Variants in MANEAL observed in about 807,000 individuals in gnomAD.
The protein encoded by MANEAL is mannosidase endo-alpha like, also known as glycoprotein endo-alpha-1,2-mannosidase-like protein.
In MANEAL, 28 loss-of-function variants were observed where a neutral mutation model predicts 35.9. The ratio of observed to expected loss-of-function variants is 0.78; its 90% CI spans 0.58 to 1.07. The LOEUF is 1.07. MANEAL is among the 50% of genes least tolerant of loss of function. MANEAL has a pLI of 0.00. For missense variants in MANEAL, 576 were observed against 629.6 expected, an observed-to-expected ratio of 0.91 and a Z score of 0.91; for synonymous variants, 286 against 272.2, an observed-to-expected ratio of 1.05 and a Z score of -0.50.
chr1:37,794,182 C>T lies in MANEAL; in HGVS notation c.-1C>T. ...GCGGCTGCAGGAGCGCACAGTCGGCCATGGCCCGGCGGCGGCGCCGCGCCT... is the reference window on the plus strand; with the variant it reads ...GCGGCTGCAGGAGCGCACAGTCGGCTATGGCCCGGCGGCGGCGCCGCGCCT... On this transcript the variant is annotated 5_prime_UTR_variant, in exon 1 of 4. Coordinates refer to ENST00000373045, the MANE Select transcript of MANEAL (RefSeq NM_001113482.2). The surrounding 1 kb of genome is among the most constrained non-coding windows in gnomAD (Gnocchi z 5.7). 7.9e-7 allele frequency: 1 copy of T among 1,263,570 alleles called. No homozygotes were observed. Among genetic ancestry groups the T allele is most frequent in the South Asian group, 1.7e-5 (1 of 57,550 alleles). The allele number at this position is 1,263,570 out of a possible 1,614,324, so 78.3% of individuals were successfully genotyped here.
chr1:37,795,174 GC>G (rs562644140), intron 1 of MANEAL, among the ~76,000 whole-genome samples: 32 of 152,322 alleles, frequency 2.1e-4, no homozygotes, highest in Middle Eastern at 3.4e-3. Flanking sequence ...AGGAAAGTGT[GC>G]CCGTGTTCCA....
Position 37,794,252 on chromosome 1 carries a change from A to T in MANEAL, c.70A>T (p.Met24Leu), listed in dbSNP as rs370141188. The change falls in exon 1 of 4, where the codon ATG (methionine) becomes TTG (leucine). Residue 24 changes from methionine (M) to leucine (L), a missense_variant. Physicochemically the swap from Met to Leu is conservative, Grantham distance 15. This residue lies in a region of MANEAL where 122 missense variants were observed against 97.2 expected (regional missense o/e 1.26). Coordinates refer to ENST00000373045, the MANE Select transcript of MANEAL (RefSeq NM_001113482.2). The surrounding 1 kb of genome is among the most constrained non-coding windows in gnomAD (Gnocchi z 5.7). ...GCTGCTCTTCGCCTTCGGCACCCTC[A>T]TGGGTCTGCGCACGCTCAAGGCTCC... ...LVLLFAFGTL[M>L]GLRTLKAPDG... 2.0e-3 allele frequency: 2,656 copies of T among 1,322,814 alleles called. 7 individuals are homozygous for T. The highest frequency in any genetic ancestry group is 2.3e-3 in the Non-Finnish European group (2,336 of 1,019,262). 81.9% of individuals were successfully genotyped at this position (1,322,814 alleles called of 1,614,324 possible).
In MANEAL at chr1:37,794,187, C is replaced by T. The variant is rs1646621636; in HGVS notation, c.5C>T (p.Ala2Val). The T allele has an allele frequency of 1.6e-6, 2 of 1,272,608 alleles. No homozygotes were observed. Among genetic ancestry groups the T allele is most frequent in the Non-Finnish European group, 2.0e-6 (2 of 992,730 alleles). 78.8% of individuals were successfully genotyped at this position (1,272,608 alleles called of 1,614,324 possible). Reference protein sequence around the residue: MARRRRRACIAL... With the variant: MVRRRRRACIAL... The stretch of plus-strand genomic sequence containing the variant: ...TGCAGGAGCGCACAGTCGGCCATGG[C>T]CCGGCGGCGGCGCCGCGCCTGCATC... Residue 2 changes from alanine to valine, a missense_variant, in exon 1 of 4, where the codon GCC (alanine) becomes GTC (valine). By Grantham distance (64) the Ala-to-Val change is moderately conservative. Coordinates refer to ENST00000373045, the MANE Select transcript of MANEAL (RefSeq NM_001113482.2). This position sits in a 1 kb window ranked among gnomAD's most constrained non-coding sequence, Gnocchi z 5.7.
chr1:37,796,807 T>A lies in MANEAL; in HGVS notation c.724T>A (p.Tyr242Asn). ...DDITVHDNIK[Y>N]IIDTYGSHGA... ...CATCACTGTACATGACAACATCAAG[T>A]ACATCATTGACACGTAAGGCTGCTC... Residue 242 changes from tyrosine (Y) to asparagine (N), a missense_variant, in exon 3 of 4, where the codon TAC (tyrosine) becomes AAC (asparagine). Tyr to Asn is a moderately radical substitution (Grantham distance 143). Around this residue, in one of 3 missense-constraint regions of MANEAL, gnomAD observed 449 missense variants for 516.1 expected, o/e 0.87. Coordinates refer to ENST00000373045, the MANE Select transcript of MANEAL (RefSeq NM_001113482.2). The A allele has an allele frequency of 6.2e-7, 1 of 1,610,360 alleles. No individual in the cohort carries two copies. The highest frequency in any genetic ancestry group is 8.5e-7 in the Non-Finnish European group (1 of 1,178,300).
chr1:37,794,553 A>C lies in MANEAL; in HGVS notation c.371A>C (p.His124Pro). The C allele has an allele frequency of 6.2e-7, 1 of 1,611,692 alleles. No individual in the cohort carries two copies. The highest frequency in any genetic ancestry group is 8.5e-7 in the Non-Finnish European group (1 of 1,179,594). The part of the protein sequence containing the change: ...GSPRREGHYI[H>P]WDHVMVPHWD... Reference sequence around the variant, plus strand: ...CCGCGGCGCGAGGGCCACTACATTCACTGGGACCACGTCATGGTGCCGCAC... The same window carrying C: ...CCGCGGCGCGAGGGCCACTACATTCCCTGGGACCACGTCATGGTGCCGCAC... The change falls in exon 1 of 4, where the codon CAC becomes CCC. Residue 124 changes from histidine (H) to proline (P), a missense_variant. Around this residue, in one of 3 missense-constraint regions of MANEAL, gnomAD observed 449 missense variants for 516.1 expected, o/e 0.87. Transcript: ENST00000373045. The surrounding 1 kb of genome is among the most constrained non-coding windows in gnomAD (Gnocchi z 5.7).
intron 1 of MANEAL, among the ~76,000 whole-genome samples, chr1:37,795,113 G>A (rs1312348616): frequency 1.3e-5 from 2 of 152,204 alleles, no homozygotes; most frequent in Non-Finnish European, 2.9e-5. Flanking sequence ...CTGCTTTCAT[G>A]GCAGGTACAG....
chr1:37,799,592 C>T lies in MANEAL; in HGVS notation c.763C>T (p.Arg255Cys), dbSNP rs745912998. ...GTATGGCTCCCATGGTGCATTTTACCGCTATAAGAACAGCATGGGCAAGAG... is the reference window on the plus strand; with the variant it reads ...GTATGGCTCCCATGGTGCATTTTACTGCTATAAGAACAGCATGGGCAAGAG... Reference protein sequence around the residue: ...DTYGSHGAFYRYKNSMGKSLP... With the variant: ...DTYGSHGAFYCYKNSMGKSLP... Residue 255 changes from arginine (R) to cysteine (C), a missense_variant, in exon 4 of 4, where the codon CGC becomes TGC. Arg to Cys is a radical substitution (Grantham distance 180). This residue lies in a region of MANEAL where 449 missense variants were observed against 516.1 expected (regional missense o/e 0.87). Transcript: ENST00000373045. The surrounding 1 kb of genome is among the most constrained non-coding windows in gnomAD (Gnocchi z 4.1). The T allele has an allele frequency of 8.1e-6, 13 of 1,613,604 alleles. No individual in the cohort carries two copies. The highest frequency in any genetic ancestry group is 2.7e-5 in the African/African-American group (2 of 74,916).
chr1:37,799,084 G>A lies in MANEAL; in HGVS notation c.738-483G>A, dbSNP rs1167960115. ...AAGAAGAAAAAAGAAAAGAAAAAGGGTCAGCTCTGCAAAGATCCGGAGGCA... is the reference window on the plus strand; with the variant it reads ...AAGAAGAAAAAAGAAAAGAAAAAGGATCAGCTCTGCAAAGATCCGGAGGCA... On this transcript the variant is annotated intron_variant, in intron 3 of 3. Coordinates refer to ENST00000373045, the MANE Select transcript of MANEAL (RefSeq NM_001113482.2). This position sits in a 1 kb window ranked among gnomAD's most constrained non-coding sequence, Gnocchi z 4.1. 2.0e-5 allele frequency among the ~76,000 whole-genome samples: 3 copies of A among 152,076 alleles called. No homozygotes were observed. Among genetic ancestry groups the A allele is most frequent in the Non-Finnish European group, 2.9e-5 (2 of 67,984 alleles).
intron 3 of MANEAL, among the ~76,000 whole-genome samples, chr1:37,798,756 A>AT (rs1646668594): frequency 6.8e-6 from 1 of 147,894 alleles, no homozygotes; most frequent in South Asian, 2.2e-4. Flanking sequence ...AAGAAAAAAA[A>AT]GCCCAGGCCC....
intron 3 of MANEAL, among the ~76,000 whole-genome samples, chr1:37,797,121 T>C (rs1318985904): frequency 6.6e-6 from 1 of 152,098 alleles, no homozygotes; most frequent in Non-Finnish European, 1.5e-5. Context: ...TCAGAAAGTA[T>C]TGAATGAAGG....
chr1:37,799,525 G>T lies in MANEAL; in HGVS notation c.738-42G>T, dbSNP rs774843400. 6 of 1,587,552 alleles carry T rather than the reference G, an allele frequency of 3.8e-6. No homozygotes were observed. The Admixed American group carries it at 6.9e-5, about 18-fold the overall frequency. ...CCACGGGAGGTCCTACAGCTGTGCTGGTCTCTCCCATCCAGCTGAGGCTCT... is the reference window on the plus strand; with the variant it reads ...CCACGGGAGGTCCTACAGCTGTGCTTGTCTCTCCCATCCAGCTGAGGCTCT... On this transcript the variant is annotated intron_variant, in intron 3 of 3. Coordinates refer to ENST00000373045, the MANE Select transcript of MANEAL (RefSeq NM_001113482.2). This position sits in a 1 kb window ranked among gnomAD's most constrained non-coding sequence, Gnocchi z 4.1.
At chr1:37,797,316 G>A (rs1179087156) in intron 3 of MANEAL, among the ~76,000 whole-genome samples, 2 of 151,676 alleles carry the variant, frequency 1.3e-5, no homozygotes, top group African/African-American at 4.8e-5. Flanking sequence ...CAGGAAAATC[G>A]CTTGAATCTG....
At position 37,794,227 on chromosome 1, in the gene MANEAL, G is replaced by T; in HGVS notation, c.45G>T (p.Val15=). The T allele has an allele frequency of 7.5e-7, 1 of 1,327,886 alleles. No homozygotes were observed. 82.3% of individuals were successfully genotyped at this position (1,327,886 alleles called of 1,614,324 possible). Residue 15 remains valine, a synonymous_variant, in exon 1 of 4, where the codon GTG becomes GTT. Coordinates refer to ENST00000373045, the MANE Select transcript of MANEAL (RefSeq NM_001113482.2). The surrounding 1 kb of genome is among the most constrained non-coding windows in gnomAD (Gnocchi z 5.7). ...RRRACIALFL[V]LLFAFGTLMG... is the part of the protein sequence containing the mutation. ...GCGCCTGCATCGCTCTGTTCCTGGTGCTGCTCTTCGCCTTCGGCACCCTCA... is the reference window on the plus strand; with the variant it reads ...GCGCCTGCATCGCTCTGTTCCTGGTTCTGCTCTTCGCCTTCGGCACCCTCA...
Position 37,795,612 on chromosome 1 carries a change from C to T in MANEAL, c.551-125C>T, listed in dbSNP as rs1646638966. On this transcript the variant is annotated intron_variant, in intron 1 of 3. Transcript: ENST00000373045. ...TGGGACTCATCTGCAGGAAGTGAAC[C>T]TGGCAGGAGGCTTGCTTCAGGTTTT... 18 of 1,522,040 alleles carry T rather than the reference C, an allele frequency of 1.2e-5. No homozygotes were observed. In the South Asian group the frequency reaches 1.8e-4, roughly 15 times the overall value. 94.3% of individuals were successfully genotyped at this position (1,522,040 alleles called of 1,614,324 possible).
rs987659849 is a variant in MANEAL, at chr1:37,799,263, G to C, written c.738-304G>C. Among the ~76,000 whole-genome samples, 3 of 152,150 alleles carry C rather than the reference G, an allele frequency of 2.0e-5. No individual in the cohort carries two copies. The highest frequency in any genetic ancestry group is 7.2e-5 in the African/African-American group (3 of 41,452). On this transcript the variant is annotated intron_variant, in intron 3 of 3. Coordinates refer to ENST00000373045, the MANE Select transcript of MANEAL (RefSeq NM_001113482.2). This position sits in a 1 kb window ranked among gnomAD's most constrained non-coding sequence, Gnocchi z 4.1. ...GTAGGCAGGGCCAGATCAAGTAGGT[G>C]GGAATAATGAATGGATTATATGGAG... is the stretch of plus-strand genomic sequence containing the variant.
Position 37,799,537 on chromosome 1 carries a change from C to T in MANEAL, c.738-30C>T. 6.3e-7 allele frequency: 1 copy of T among 1,599,336 alleles called. No individual in the cohort carries two copies. ...CTACAGCTGTGCTGGTCTCTCCCAT[C>T]CAGCTGAGGCTCTTCTTTCTCCTTC... On this transcript the variant is annotated intron_variant, in intron 3 of 3. Transcript: ENST00000373045. The surrounding 1 kb of genome is among the most constrained non-coding windows in gnomAD (Gnocchi z 4.1).
In MANEAL at chr1:37,799,007, C is replaced by A. The variant is rs1646671202; in HGVS notation, c.738-560C>A. On this transcript the variant is annotated intron_variant, in intron 3 of 3. Transcript: ENST00000373045. The surrounding 1 kb of genome is among the most constrained non-coding windows in gnomAD (Gnocchi z 4.1). The stretch of plus-strand genomic sequence containing the variant: ...GTGAGCTGAGATCGCCCACCGCACT[C>A]CAGCTCTGAGCAACAGAGCAAGACC... 6.6e-6 allele frequency among the ~76,000 whole-genome samples: 1 copy of A among 151,992 alleles called. No homozygotes were observed. The highest frequency in any genetic ancestry group is 1.5e-5 in the Non-Finnish European group (1 of 68,012).
rs779950563 is a variant in MANEAL, at chr1:37,799,738, G to A, written c.909G>A (p.Ala303=). ...RNTPYDGVFI[A]LLVEEGHTHD... ...CGCCCTACGATGGGGTCTTCATAGC[G>A]CTGCTGGTGGAGGAGGGCCACACCC... is the stretch of plus-strand genomic sequence containing the variant. Residue 303 remains alanine (A), a synonymous_variant, in exon 4 of 4, where the codon GCG becomes GCA. Coordinates refer to ENST00000373045, the MANE Select transcript of MANEAL (RefSeq NM_001113482.2). The surrounding 1 kb of genome is among the most constrained non-coding windows in gnomAD (Gnocchi z 4.1). The A allele has an allele frequency of 2.6e-5, 42 of 1,614,070 alleles. No individual in the cohort carries two copies. Among genetic ancestry groups the A allele is most frequent in the Admixed American group, 6.7e-5 (4 of 60,002 alleles).
intron 1 of MANEAL, 198 bp from the exon 2 acceptor site, chr1:37,795,539 G>T: frequency 1.4e-6 from 2 of 1,397,856 alleles, no homozygotes; most frequent in Non-Finnish European, 1.9e-6. Flanking sequence ...TCCCGCAGGC[G>T]CTCCGCTTCA....
Sources: gnomAD v4.1 joint callset for allele counts (sites outside exome capture counted in the v4.1 genomes callset) on GRCh38, gnomAD v4.1.1 for gene constraint, gnomAD v4.1.1 regional missense constraint, Gnocchi (gnomAD v3.1) non-coding constraint, MANE v1.5 for transcripts, NCBI Gene and HGNC (gene_info 2026-07-23, HGNC 2026-07-21) for gene names.